The following TBCK variants were observed in gnomAD, a reference collection of about 807,000 sequenced individuals.
The protein encoded by TBCK is TBC1 domain containing kinase.
TBCK carries 99 observed loss-of-function variants against 113.4 expected under a neutral mutation model. The observed-to-expected ratio is 0.87, with a 90% confidence interval of 0.74 to 1.03. TBCK has a LOEUF of 1.03. Ranked by LOEUF, TBCK falls within the 50% of genes least tolerant of loss-of-function variation. The pLI, the probability that TBCK is intolerant of heterozygous loss-of-function variation, is 0.00. For missense variants in TBCK, 1,045 were observed against 1,061.3 expected, an observed-to-expected ratio of 0.98 and a Z score of 0.21; for synonymous variants, 369 against 370.8, an observed-to-expected ratio of 1.00 and a Z score of 0.05.
intron 25 of TBCK, among the ~76,000 whole-genome samples, chr4:106,052,299 A>G (rs1036465245): frequency 1.3e-5 from 2 of 151,838 alleles, no homozygotes; most frequent in East Asian, 3.9e-4. Context: ...ACAAGGAAGG[A>G]GAAGAACAGG....
rs575374264 is a variant in TBCK at position 106,065,228 on chromosome 4, T to A, written c.2572-18548A>T. ...CCCTATTGATCTGAATAGTTATTGC[T>A]TCAATTCCCAGATTTATATACTTGT... On this transcript the variant is annotated intron_variant, in intron 25 of 25. Coordinates refer to ENST00000394708, the MANE Select transcript of TBCK (RefSeq NM_001163435.3). Among the ~76,000 whole-genome samples, 12 of 152,122 alleles carry A rather than the reference T, an allele frequency of 7.9e-5. No homozygotes were observed. In the South Asian group the frequency reaches 2.5e-3, roughly 32 times the overall value.
intron 25 of TBCK, among the ~76,000 whole-genome samples, chr4:106,070,527 G>C (rs1660785252): frequency 6.6e-6 from 1 of 152,082 alleles, no homozygotes; most frequent in Non-Finnish European, 1.5e-5. Flanking sequence ...TTGATATGCT[G>C]CTGGATTCAG....
chr4:106,176,905 C>T (rs1375572737), intron 22 of TBCK, among the ~76,000 whole-genome samples: 1 of 150,696 alleles, frequency 6.6e-6, no homozygotes, highest in East Asian at 1.9e-4. Flanking sequence ...TTGCATTTCT[C>T]TGATAATTAG....
chr4:106,145,015 C>T (rs1211229987), intron 23 of TBCK, among the ~76,000 whole-genome samples: 4 of 117,886 alleles, frequency 3.4e-5, no homozygotes, highest in African/African-American at 6.5e-5. Context: ...AGTGAAACTC[C>T]GTGTCAAAAA....
intron 23 of TBCK, among the ~76,000 whole-genome samples, chr4:106,169,899 C>T (rs923533076): frequency 1.9e-4 from 29 of 152,000 alleles, no homozygotes; most frequent in African/African-American, 6.8e-4. Flanking sequence ...GCGCAGTTCA[C>T]AAGAGGATTT....
At chr4:106,250,023 A>G (rs1233068249) in intron 7 of TBCK, among the ~76,000 whole-genome samples, 4 of 152,258 alleles carry the variant, frequency 2.6e-5, no homozygotes, top group Admixed American at 2.0e-4. Context: ...GGAAAAATCA[A>G]TATTCTTCTT....
intron 25 of TBCK, among the ~76,000 whole-genome samples, chr4:106,083,276 C>T (rs996967404): frequency 3.3e-5 from 5 of 152,228 alleles, no homozygotes; most frequent in Non-Finnish European, 4.4e-5. Flanking sequence ...CCACTTGGTC[C>T]CAAGACTTGT....
Position 106,230,274 on chromosome 4 carries a change from T to C in TBCK, c.1774+89A>G, listed in dbSNP as rs1579325705. On this transcript the variant is annotated intron_variant, in intron 19 of 25. Transcript: ENST00000394708. ...ATGGACCATCATCGTATTTTTGGGG[T>C]CAAAATCTTAAATTTAATCAAATAT... 5.1e-6 allele frequency: 4 copies of C among 788,712 alleles called. No individual in the cohort carries two copies. The South Asian group carries it at 9.3e-5, about 18-fold the overall frequency. 48.9% of individuals were successfully genotyped at this position (788,712 alleles called of 1,614,324 possible).
At chr4:106,216,665 A>C (rs1385694022) in intron 19 of TBCK, among the ~76,000 whole-genome samples, 4 of 152,354 alleles carry the variant, frequency 2.6e-5, no homozygotes, top group Middle Eastern at 3.4e-3. Flanking sequence ...AGACTAAACC[A>C]GGAAGAAGTT....
intron 3 of TBCK, among the ~76,000 whole-genome samples, chr4:106,282,640 T>C (rs949341564): frequency 6.6e-6 from 1 of 152,196 alleles, no homozygotes. Context: ...AATTTTTCAA[T>C]TTCCTTCTTC....
intron 25 of TBCK, among the ~76,000 whole-genome samples, chr4:106,075,942 T>C (rs1248061401): frequency 1.3e-5 from 2 of 152,224 alleles, no homozygotes; most frequent in South Asian, 2.1e-4. Flanking sequence ...AAACAGGATA[T>C]GTGGCAGCAT....
intron 3 of TBCK, among the ~76,000 whole-genome samples, chr4:106,281,344 A>G (rs945113573): frequency 3.3e-5 from 5 of 151,988 alleles, no homozygotes; most frequent in Admixed American, 6.6e-5. Context: ...TCCAAATATA[A>G]GATCATATTA....
chr4:106,077,729 C>T (rs985591575), intron 25 of TBCK, among the ~76,000 whole-genome samples: 1 of 152,144 alleles, frequency 6.6e-6, no homozygotes, highest in Admixed American at 6.5e-5. Context: ...TTCAACACCA[C>T]CTTGACAGTG....
rs763540457 is a variant in TBCK at position 106,251,823 on chromosome 4, T to C, written c.597+43A>G. 6.4e-6 allele frequency: 9 copies of C among 1,413,544 alleles called. No individual in the cohort carries two copies. The South Asian group carries it at 1.6e-4, about 25-fold the overall frequency. 87.6% of individuals were successfully genotyped at this position (1,413,544 alleles called of 1,614,324 possible). A position where few individuals can be genotyped will look rare whatever the true frequency, so the allele number is the denominator to read the frequency against. On this transcript the variant is annotated intron_variant, in intron 6 of 25. Coordinates refer to ENST00000394708, the MANE Select transcript of TBCK (RefSeq NM_001163435.3). ...CTCTCCAAAAGATTATTCCAATAAA[T>C]GCACAATTTCCTTTTATTATATTAA...
intron 23 of TBCK, among the ~76,000 whole-genome samples, chr4:106,150,860 T>C (rs868249229): frequency 3.9e-5 from 6 of 152,200 alleles, no homozygotes; most frequent in South Asian, 2.1e-4. Flanking sequence ...ATAACCTTTT[T>C]TGTAGTAACT....
At chr4:106,263,964 T>C (rs1762739621) in intron 3 of TBCK, among the ~76,000 whole-genome samples, 1 of 152,028 alleles carries the variant, frequency 6.6e-6, no homozygotes, top group African/African-American at 2.4e-5. Flanking sequence ...TGTTTTACAT[T>C]AACAAATTTT....
At chr4:106,091,931 G>A (rs1740298288) in intron 25 of TBCK, among the ~76,000 whole-genome samples, 1 of 152,294 alleles carries the variant, frequency 6.6e-6, no homozygotes, top group East Asian at 1.9e-4. Context: ...TTTTGACAGG[G>A]TGCTGATTAG....
intron 23 of TBCK, chr4:106,164,314 T>C (rs1750123724): frequency 6.6e-6 from 1 of 151,946 alleles, no homozygotes; most frequent in South Asian, 2.1e-4. Flanking sequence ...AGTGTTTAGT[T>C]CTCCTTTAGG....
intron 2 of TBCK, among the ~76,000 whole-genome samples, chr4:106,298,890 A>C (rs987701478): frequency 1.3e-5 from 2 of 152,216 alleles, no homozygotes; most frequent in Admixed American, 1.3e-4. Context: ...GTTCTGACTG[A>C]TAAGAATCAG....
Sources: gnomAD v4.1 joint callset for allele counts (sites outside exome capture counted in the v4.1 genomes callset) on GRCh38, gnomAD v4.1.1 for gene constraint, MANE v1.5 for transcripts, NCBI Gene and HGNC (gene_info 2026-07-23, HGNC 2026-07-21) for gene names.